Variants in KTN1 observed in about 807,000 individuals in gnomAD.
The protein encoded by KTN1 is kinectin 1.
In KTN1, 130 loss-of-function variants were observed where a neutral mutation model predicts 222.5. The observed-to-expected ratio is 0.58, with a 90% CI of 0.51 to 0.68. The LOEUF is 0.68. Among genes scored for constraint, KTN1 ranks in the 30% least tolerant of loss-of-function variants. The pLI is 0.00. For missense variants in KTN1, 1,508 were observed against 1,500.4 expected, an observed-to-expected ratio of 1.01 and a Z score of -0.08; for synonymous variants, 512 against 496.3, an observed-to-expected ratio of 1.03 and a Z score of -0.42.
At chr14:55,582,109 T>C (rs1010135109) in intron 1 of KTN1, among the ~76,000 whole-genome samples, 9 of 152,292 alleles carry the variant, frequency 5.9e-5, no homozygotes, top group East Asian at 1.9e-4. Context: ...TTTGAAAATA[T>C]AACAAGATCT....
At chr14:55,651,185 T>C (rs1279483088) in intron 24 of KTN1, 10 of 444,496 alleles carry the variant, frequency 2.2e-5, no homozygotes, top group Non-Finnish European at 4.1e-5. Context: ...GCAGTACTTG[T>C]CAAAGCACTG....
chr14:55,664,298 T>C (rs1245292709), intron 33 of KTN1, among the ~76,000 whole-genome samples: 1 of 152,166 alleles, frequency 6.6e-6, no homozygotes, highest in African/African-American at 2.4e-5. Context: ...AGAAGACCGA[T>C]GTTAACCTCT....
chr14:55,639,072 A>G, intron 12 of KTN1, 113 bp from the exon 13 acceptor site: 1 of 676,804 alleles, frequency 1.5e-6, no homozygotes, highest in East Asian at 2.7e-5. Flanking sequence ...AGATACTTTC[A>G]TAACAATTTA....
chr14:55,667,325 A>G lies in KTN1; in HGVS notation c.3262A>G (p.Asn1088Asp). 1.3e-6 allele frequency: 2 copies of G among 1,564,222 alleles called. No individual in the cohort carries two copies. The highest frequency in any genetic ancestry group is 1.7e-6 in the Non-Finnish European group (2 of 1,143,544). The part of the protein sequence containing the change: ...KLFPKVSVPS[N>D]LSYGEWLHGF... Reference sequence around the variant, plus strand: ...ATTTCCAAAGGTGTCTGTCCCTTCTAATTTGGTAAGACTAATTTATTATTT... The same window carrying G: ...ATTTCCAAAGGTGTCTGTCCCTTCTGATTTGGTAAGACTAATTTATTATTT... Residue 1088 changes from asparagine (N) to aspartate (D), a missense_variant, in exon 34 of 44, where the codon AAT (asparagine) becomes GAT (aspartate). Asn to Asp is a conservative substitution (Grantham distance 23). Coordinates refer to ENST00000395314, the MANE Select transcript of KTN1 (RefSeq NM_001079521.2).
intron 28 of KTN1, among the ~76,000 whole-genome samples, chr14:55,655,527 ACAT>A (rs2043381075): frequency 1.3e-5 from 2 of 152,196 alleles, no homozygotes. Flanking sequence ...ACAGTTAAAC[ACAT>A]CATTTTGATG....
chr14:55,651,665 T>C (rs1433789738), intron 24 of KTN1: 8 of 506,598 alleles, frequency 1.6e-5, no homozygotes, highest in Non-Finnish European at 2.8e-5. Context: ...TTAGACTTAT[T>C]ATTCATAACT....
intron 4 of KTN1, 97 bp from the exon 5 acceptor site, chr14:55,619,085 T>A: frequency 1.1e-6 from 1 of 918,828 alleles, no homozygotes; most frequent in South Asian, 1.6e-5. Flanking sequence ...GTTATTGACT[T>A]TCTGGGCCGT....
intron 1 of KTN1, among the ~76,000 whole-genome samples, chr14:55,594,354 CAT>C (rs2034660862): frequency 6.6e-6 from 1 of 152,138 alleles, no homozygotes; most frequent in Non-Finnish European, 1.5e-5. Context: ...CTGATATTAG[CAT>C]CACACTAATT....
In KTN1 at chr14:55,637,847, G is replaced by A; in HGVS notation, c.1785G>A (p.Gln595=). ...IQQFHSQIAA[Q]TSASVLAEEL... ...AGTTCCATTCCCAGATAGCAGCCCA[G>A]GTAATGATGCTTTCTTATTGCTTAT... is the stretch of plus-strand genomic sequence containing the variant. Residue 595 remains glutamine (Q), a splice_region_variant and synonymous_variant, in exon 12 of 44, where the codon CAG becomes CAA. Transcript: ENST00000395314. 6.2e-7 allele frequency: 1 copy of A among 1,607,882 alleles called. No homozygotes were observed. The highest frequency in any genetic ancestry group is 1.1e-5 in the South Asian group (1 of 90,508).
rs1247913456 is a variant in KTN1 at position 55,679,688 on chromosome 14, A to G, written c.4069+3A>G. On this transcript the variant is annotated splice_donor_region_variant and intron_variant, in intron 43 of 43. Coordinates refer to ENST00000395314, the MANE Select transcript of KTN1 (RefSeq NM_001079521.2). ...GAAAGAGCACTACCAGGTGTTAGGT[A>G]AGGACAACTGAAATATTGCTGTCTA... The G allele has an allele frequency of 1.9e-6, 3 of 1,613,392 alleles. No homozygotes were observed. The highest frequency in any genetic ancestry group is 1.7e-5 in the Admixed American group (1 of 59,908).
At chr14:55,656,884 G>A (rs554027468) in intron 29 of KTN1, among the ~76,000 whole-genome samples, 1 of 152,128 alleles carries the variant, frequency 6.6e-6, no homozygotes, top group East Asian at 1.9e-4. Context: ...ACTTTTACTA[G>A]TGTTATCTGT....
chr14:55,641,234 G>T, intron 17 of KTN1, 26 bp downstream of exon 17: 1 of 1,374,082 alleles, frequency 7.3e-7, no homozygotes, highest in South Asian at 1.3e-5. Context: ...TGTACACTCA[G>T]GTTTCTTAGA....
intron 24 of KTN1, among the ~76,000 whole-genome samples, chr14:55,650,888 C>T (rs1242577855): frequency 6.6e-6 from 1 of 151,850 alleles, no homozygotes; most frequent in African/African-American, 2.4e-5. Context: ...TTTAGTTTGC[C>T]AATTACAAAT....
intron 20 of KTN1, among the ~76,000 whole-genome samples, chr14:55,648,523 G>A (rs188926605): frequency 7.7e-4 from 117 of 152,326 alleles, no homozygotes; most frequent in South Asian, 5.2e-3. Flanking sequence ...AGGGAGAGGA[G>A]TAGCTTAACT....
At chr14:55,615,424 G>A (rs2038207905) in intron 2 of KTN1, among the ~76,000 whole-genome samples, 1 of 135,298 alleles carries the variant, frequency 7.4e-6, no homozygotes, top group African/African-American at 2.8e-5. Context: ...TCTACTTTCT[G>A]TCTTTATGAA....
intron 32 of KTN1, among the ~76,000 whole-genome samples, chr14:55,662,079 T>C (rs1029973867): frequency 3.3e-5 from 5 of 151,384 alleles, no homozygotes; most frequent in African/African-American, 9.7e-5. Context: ...CTTTTTTTTT[T>C]TTTTTTTTTA....
At position 55,671,561 on chromosome 14, in the gene KTN1, T is replaced by G. The variant is rs1232750536; in HGVS notation, c.3349-5T>G. The G allele has an allele frequency of 6.2e-7, 1 of 1,600,932 alleles. No homozygotes were observed. Among genetic ancestry groups the G allele is most frequent in the Non-Finnish European group, 8.5e-7 (1 of 1,175,202 alleles). The stretch of plus-strand genomic sequence containing the variant: ...TGGAGTTTTTCTTTATTTCGTTCTT[T>G]GCAGGTTCTAGAGCACAAGTTGAAA... On this transcript the variant is annotated splice_polypyrimidine_tract_variant and splice_region_variant and intron_variant, in intron 35 of 43. Coordinates refer to ENST00000395314, the MANE Select transcript of KTN1 (RefSeq NM_001079521.2).
chr14:55,600,092 G>C (rs886932095), intron 1 of KTN1, among the ~76,000 whole-genome samples: 1 of 150,254 alleles, frequency 6.7e-6, no homozygotes, highest in African/African-American at 2.4e-5. Context: ...TGTTCAGTTT[G>C]TGAGATGTTT....
chr14:55,580,680 C>T (rs1389855478), intron 1 of KTN1, among the ~76,000 whole-genome samples: 1 of 152,198 alleles, frequency 6.6e-6, no homozygotes, highest in Non-Finnish European at 1.5e-5. Flanking sequence ...GACGACTCTC[C>T]CGAAGGCGAG....
Sources: gnomAD v4.1 joint callset for allele counts (sites outside exome capture counted in the v4.1 genomes callset) on GRCh38, gnomAD v4.1.1 for gene constraint, MANE v1.5 for transcripts, NCBI Gene and HGNC (gene_info 2026-07-23, HGNC 2026-07-21) for gene names.